Variants in PYHIN1 observed in about 807,000 individuals in gnomAD.
PYHIN1 encodes the protein pyrin and HIN domain-containing protein 1.
PYHIN1 carries 32 observed loss-of-function variants against 43.7 expected under a neutral mutation model. The ratio of observed to expected loss-of-function variants is 0.73; its 90% CI spans 0.55 to 0.98. PYHIN1 has a LOEUF of 0.98. PYHIN1 is among the 50% of genes least tolerant of loss of function. The pLI is 0.00. For synonymous variants in PYHIN1, 205 were observed against 203.1 expected (o/e 1.01, Z -0.08); for missense variants, 588 against 589.5 (o/e 1.00, Z 0.03).
intron 7 of PYHIN1, among the ~76,000 whole-genome samples, chr1:158,955,021 A>G (rs373968089): frequency 1.3e-5 from 2 of 152,068 alleles, no homozygotes; most frequent in Non-Finnish European, 2.9e-5. Context: ...TTACATAATG[A>G]TAAAGGGATC....
intron 7 of PYHIN1, among the ~76,000 whole-genome samples, chr1:158,957,557 G>C (rs2101698046): frequency 1.3e-5 from 2 of 150,480 alleles, no homozygotes; most frequent in Middle Eastern, 6.8e-3. Flanking sequence ...GCCATATGTA[G>C]AAAGCTGAAA....
At chr1:158,946,404 A>G (rs1321640302) in intron 7 of PYHIN1, among the ~76,000 whole-genome samples, 1 of 152,362 alleles carries the variant, frequency 6.6e-6, no homozygotes, top group East Asian at 1.9e-4. Context: ...AAAAACATTT[A>G]CTGCAAATGC....
intron 7 of PYHIN1, among the ~76,000 whole-genome samples, chr1:158,953,897 AG>A (rs1649752938): frequency 1.4e-5 from 2 of 144,944 alleles, no homozygotes; most frequent in East Asian, 4.1e-4. Context: ...AATACAGAGA[AG>A]TGCTTAAAGG....
chr1:158,953,594 C>G (rs1396802320), intron 7 of PYHIN1, among the ~76,000 whole-genome samples: 1 of 151,906 alleles, frequency 6.6e-6, no homozygotes, highest in East Asian at 1.9e-4. Context: ...ACCAAAAACC[C>G]TTCTGTACAT....
chr1:158,981,459 G>A (rs371690389), downstream of PYHIN1, among the ~76,000 whole-genome samples: 1 of 152,268 alleles, frequency 6.6e-6, no homozygotes, highest in East Asian at 1.9e-4. Flanking sequence ...GGACAAGAGC[G>A]AGACTCTGAA....
the PYHIN1 span, among the ~76,000 whole-genome samples, chr1:158,984,161 T>A: frequency 6.6e-6 from 1 of 151,792 alleles, no homozygotes; most frequent in Admixed American, 6.6e-5. Context: ...TCAACTTAGA[T>A]TTTGATTATT....
rs561093290 is a variant in PYHIN1 at position 158,965,637 on chromosome 1, A to G, written c.1360-8010A>G. Among the ~76,000 whole-genome samples the G allele has an allele frequency of 3.8e-4, 58 of 152,306 alleles. No homozygotes were observed. In the Middle Eastern group the frequency reaches 0.01, roughly 27 times the overall value. ...TGGAAATTAAACAGCCTTCTCCTGA[A>G]TGACTTTTGGGTGAATAATAAAGGC... is the stretch of plus-strand genomic sequence containing the variant. On this transcript the variant is annotated intron_variant, in intron 7 of 8. Coordinates refer to ENST00000368140, the MANE Select transcript of PYHIN1 (RefSeq NM_152501.5).
rs1650394984 is a variant in PYHIN1 at position 158,962,747 on chromosome 1, C to T, written c.1360-10900C>T. 5.9e-5 allele frequency among the ~76,000 whole-genome samples: 9 copies of T among 152,166 alleles called. No individual in the cohort carries two copies. The South Asian group carries it at 1.7e-3, about 28-fold the overall frequency. On this transcript the variant is annotated intron_variant, in intron 7 of 8. Coordinates refer to ENST00000368140, the MANE Select transcript of PYHIN1 (RefSeq NM_152501.5). The stretch of plus-strand genomic sequence containing the variant: ...GTCCAGTCTCTCTTCCCTATGAGCT[C>T]CCAGCCCTACTCTTCATCAGACAGG...
chr1:158,939,997 G>C (rs1648814375), intron 4 of PYHIN1: 1 of 155,688 alleles, frequency 6.4e-6, no homozygotes, highest in South Asian at 2.0e-4. Flanking sequence ...GCCGAGGCAG[G>C]TGGATTGCCT....
At chr1:158,978,460 G>C (rs1447096832), downstream of PYHIN1, among the ~76,000 whole-genome samples, 33 of 152,098 alleles carry the variant, frequency 2.2e-4, 1 homozygote. Flanking sequence ...ATCTTGAGAA[G>C]ATGTCACAAA....
rs182251123 is a variant in PYHIN1 at position 158,968,596 on chromosome 1, A to G, written c.1360-5051A>G. On this transcript the variant is annotated intron_variant, in intron 7 of 8. Transcript: ENST00000368140. ...TGACCCAGCAATCCTAGTACTGGGC[A>G]TATGCCCAAAGGAATATAAATTATT... 7.5e-3 allele frequency among the ~76,000 whole-genome samples: 1,142 copies of G among 152,284 alleles called. 6 individuals are homozygous for G. Among genetic ancestry groups the G allele is most frequent in the Non-Finnish European group, 0.013 (884 of 67,994 alleles).
At chr1:158,981,169 T>G (rs1651471763), downstream of PYHIN1, among the ~76,000 whole-genome samples, 1 of 152,206 alleles carries the variant, frequency 6.6e-6, no homozygotes, top group Admixed American at 6.5e-5. Context: ...AATGGCCATC[T>G]AGATTGATTC....
In PYHIN1 at chr1:158,945,062, A is replaced by G. The variant is rs771663677; in HGVS notation, c.1359+20A>G. ...ACCAAGGTACAATATCCTGGGTCCC[A>G]TGACTCTTATCTCCCAAATATAAAT... On this transcript the variant is annotated intron_variant, in intron 7 of 8. Coordinates refer to ENST00000368140, the MANE Select transcript of PYHIN1 (RefSeq NM_152501.5). The G allele has an allele frequency of 7.5e-6, 12 of 1,597,644 alleles. No homozygotes were observed. The highest frequency in any genetic ancestry group is 1.0e-5 in the Non-Finnish European group (12 of 1,172,074).
At chr1:158,968,936 C>T (rs1650786831) in intron 7 of PYHIN1, among the ~76,000 whole-genome samples, 1 of 151,874 alleles carries the variant, frequency 6.6e-6, no homozygotes, top group Non-Finnish European at 1.5e-5. Flanking sequence ...AAAAACAATT[C>T]TTAGTGGGTA....
intron 8 of PYHIN1, among the ~76,000 whole-genome samples, chr1:158,976,303 A>G (rs896371241): frequency 5.3e-5 from 8 of 152,120 alleles, no homozygotes; most frequent in Admixed American, 2.6e-4. Flanking sequence ...GCCATTAGTC[A>G]AAAGTCCCAA....
At chr1:158,949,346 G>A (rs1035749744) in intron 7 of PYHIN1, among the ~76,000 whole-genome samples, 5 of 152,156 alleles carry the variant, frequency 3.3e-5, no homozygotes, top group Admixed American at 3.3e-4. Flanking sequence ...CCCAGCTAAA[G>A]TGGAATTCAT....
Position 158,936,972 on chromosome 1 carries a change from A to T in PYHIN1, c.62A>T (p.His21Leu). ...LKGLEVINDYHFRIVKSLLSN... is the reference protein window; with the variant it reads ...LKGLEVINDYLFRIVKSLLSN... Reference sequence around the variant, plus strand: ...GGATTAGAGGTCATCAATGATTATCATTTTAGAATTGTTAAGTCCTTACTG... The same window carrying T: ...GGATTAGAGGTCATCAATGATTATCTTTTTAGAATTGTTAAGTCCTTACTG... The change falls in exon 2 of 9, where the codon CAT (histidine) becomes CTT (leucine). Residue 21 changes from histidine (H) to leucine (L), a missense_variant. By Grantham distance (99) the His-to-Leu change is moderately conservative (BLOSUM62 -3). Coordinates refer to ENST00000368140, the MANE Select transcript of PYHIN1 (RefSeq NM_152501.5). 1 of 1,612,410 alleles carries T rather than the reference A, an allele frequency of 6.2e-7. No individual in the cohort carries two copies. Among genetic ancestry groups the T allele is most frequent in the Non-Finnish European group, 8.5e-7 (1 of 1,178,942 alleles).
chr1:158,969,475 A>G (rs1650817067), intron 7 of PYHIN1, among the ~76,000 whole-genome samples: 1 of 152,010 alleles, frequency 6.6e-6, no homozygotes, highest in Non-Finnish European at 1.5e-5. Context: ...ATACATGTGT[A>G]CCAGTTGAAG....
the PYHIN1 span, among the ~76,000 whole-genome samples, chr1:158,990,521 G>A: frequency 1.3e-5 from 2 of 152,046 alleles, no homozygotes; most frequent in Non-Finnish European, 2.9e-5. Context: ...TTTGTCATGA[G>A]AAGACATAAC....
Sources: allele counts gnomAD v4.1 joint callset (sites outside exome capture counted in the v4.1 genomes callset), GRCh38; gene constraint gnomAD v4.1.1; transcripts MANE v1.5; gene names NCBI Gene and HGNC (gene_info 2026-07-23, HGNC 2026-07-21).